ASB3: variants seen among roughly 807,000 people sequenced by gnomAD.
ASB3 encodes the protein ankyrin repeat and SOCS box protein 3.
In ASB3, 41 loss-of-function variants were observed where a neutral mutation model predicts 54.5. The ratio of observed to expected loss-of-function variants is 0.75; its 90% confidence interval spans 0.59 to 0.98. The LOEUF (loss-of-function observed/expected upper bound fraction) is 0.98. Ranked by LOEUF, ASB3 falls within the 50% of genes least tolerant of loss-of-function variation. ASB3 has a pLI of 0.00. For missense variants in ASB3, 733 were observed against 620.0 expected, an observed-to-expected ratio of 1.18 and a Z score of -1.94; for synonymous variants, 266 against 221.2, an observed-to-expected ratio of 1.20 and a Z score of -1.80.
chr2:53,767,290 T>A (rs993873533), intron 1 of ASB3: 1 of 152,262 alleles, frequency 6.6e-6, no homozygotes, highest in African/African-American at 2.4e-5. Context: ...AAGCGTAAAC[T>A]TCTATTGTAA....
intron 1 of ASB3, among the ~76,000 whole-genome samples, chr2:53,776,641 GA>G (rs1573027183): frequency 6.6e-6 from 1 of 151,996 alleles, no homozygotes; most frequent in East Asian, 1.9e-4. Context: ...AGCAACAGAA[GA>G]GCACCATCTC....
At chr2:53,759,809 C>T (rs1171159293) in intron 2 of ASB3, among the ~76,000 whole-genome samples, 1 of 152,188 alleles carries the variant, frequency 6.6e-6, no homozygotes, top group African/African-American at 2.4e-5. Context: ...GACGAAGGTC[C>T]TCTGAGTCAG....
At chr2:53,678,210 C>A (rs938261765) in intron 9 of ASB3, among the ~76,000 whole-genome samples, 1 of 151,990 alleles carries the variant, frequency 6.6e-6, no homozygotes, top group Non-Finnish European at 1.5e-5. Flanking sequence ...GTACACAACA[C>A]AGTATTTTTA....
At chr2:53,739,529 A>G (rs919523037) in intron 3 of ASB3, among the ~76,000 whole-genome samples, 3 of 152,240 alleles carry the variant, frequency 2.0e-5, no homozygotes, top group Admixed American at 2.0e-4. Flanking sequence ...GCTCTTTTAG[A>G]AAAATGCTTA....
At chr2:53,713,484 T>C (rs756949576) in intron 7 of ASB3, among the ~76,000 whole-genome samples, 157 of 152,230 alleles carry the variant, frequency 1.0e-3, no homozygotes, top group Non-Finnish European at 2.0e-3. Context: ...AAGAGTGTTA[T>C]AGACAAAGTT....
intron 5 of ASB3, among the ~76,000 whole-genome samples, chr2:53,718,801 GC>G (rs994787066): frequency 6.6e-6 from 1 of 151,664 alleles, no homozygotes; most frequent in Non-Finnish European, 1.5e-5. Context: ...CCATCCATCT[GC>G]TGCCTTCAAG....
chr2:53,764,874 AT>A (rs1673349232), intron 2 of ASB3, among the ~76,000 whole-genome samples: 1 of 152,214 alleles, frequency 6.6e-6, no homozygotes, highest in Non-Finnish European at 1.5e-5. Flanking sequence ...ATCTTGTTTA[AT>A]TATTTAGATA....
intron 7 of ASB3, among the ~76,000 whole-genome samples, chr2:53,704,869 C>T (rs35487539): frequency 0.23 from 35,582 of 152,094 alleles, 4,348 homozygotes; most frequent in East Asian, 0.44. Context: ...TCTATCTGAT[C>T]ACTTATGAAA....
At chr2:53,720,399 T>C (rs116206150) in intron 5 of ASB3, among the ~76,000 whole-genome samples, 2 of 152,234 alleles carry the variant, frequency 1.3e-5, no homozygotes, top group Non-Finnish European at 2.9e-5. Flanking sequence ...GACTGAGATC[T>C]CTCTCAGATA....
chr2:53,760,500 T>C (rs1466316955), intron 2 of ASB3, among the ~76,000 whole-genome samples: 1 of 152,012 alleles, frequency 6.6e-6, no homozygotes, highest in African/African-American at 2.4e-5. Flanking sequence ...TATGGGGTAA[T>C]CCCCTCCAGG....
In ASB3 at chr2:53,765,385, A is replaced by G. The variant is rs770781151; in HGVS notation, c.188T>C (p.Ile63Thr). Residue 63 changes from isoleucine to threonine, a missense_variant, in exon 2 of 10, where the codon ATT (isoleucine) becomes ACT (threonine). Coordinates refer to ENST00000263634, the MANE Select transcript of ASB3 (RefSeq NM_016115.5). Reference sequence around the variant, plus strand: ...CCTTGAATTTACTTTACCTGCATTAATTAACATTTGCAAACATTCTACAGA... The same window carrying G: ...CCTTGAATTTACTTTACCTGCATTAGTTAACATTTGCAAACATTCTACAGA... ...HNSVECLQML[I>T]NADSSENYIK... 2.5e-6 allele frequency: 4 copies of G among 1,614,196 alleles called. No individual in the cohort carries two copies. The highest frequency in any genetic ancestry group is 8.5e-7 in the Non-Finnish European group (1 of 1,180,016).
chr2:53,706,909 G>C (rs1669805737), intron 7 of ASB3, among the ~76,000 whole-genome samples: 1 of 152,192 alleles, frequency 6.6e-6, no homozygotes. Flanking sequence ...CAAGTGTTGA[G>C]CTAACAAAAC....
intron 7 of ASB3, among the ~76,000 whole-genome samples, chr2:53,701,180 G>A (rs1039469882): frequency 1.3e-5 from 2 of 151,856 alleles, no homozygotes; most frequent in African/African-American, 4.8e-5. Context: ...TCACTATGTT[G>A]CCCAGGCTGG....
chr2:53,731,740 C>T (rs2103918861), intron 3 of ASB3, among the ~76,000 whole-genome samples: 1 of 152,092 alleles, frequency 6.6e-6, no homozygotes, highest in South Asian at 2.1e-4. Context: ...ACAACCTCTG[C>T]CTCCCAGGTT....
intron 2 of ASB3, among the ~76,000 whole-genome samples, chr2:53,756,409 C>T (rs901873693): frequency 7.2e-5 from 11 of 152,170 alleles, no homozygotes; most frequent in African/African-American, 2.4e-4. Context: ...TACAATTTAG[C>T]AGTATCTATA....
At chr2:53,712,543 T>G (rs946923201) in intron 7 of ASB3, among the ~76,000 whole-genome samples, 2 of 152,346 alleles carry the variant, frequency 1.3e-5, no homozygotes, top group Middle Eastern at 3.4e-3. Context: ...ACAGAAGGCA[T>G]GAAACATACT....
intron 3 of ASB3, among the ~76,000 whole-genome samples, chr2:53,732,386 G>C (rs1360240965): frequency 6.6e-6 from 1 of 151,970 alleles, no homozygotes; most frequent in Non-Finnish European, 1.5e-5. Context: ...GGTCATAAAA[G>C]GAAAAAAATC....
chr2:53,707,149 G>C (rs998559018), intron 7 of ASB3, among the ~76,000 whole-genome samples: 3 of 152,198 alleles, frequency 2.0e-5, no homozygotes, highest in African/African-American at 7.2e-5. Context: ...AGGGTAGCTA[G>C]CCACACATGA....
At chr2:53,780,794 T>C (rs1228136875) in intron 1 of ASB3, among the ~76,000 whole-genome samples, 2 of 151,952 alleles carry the variant, frequency 1.3e-5, no homozygotes, top group African/African-American at 4.8e-5. Context: ...TAATAACAAA[T>C]AAATAAAATA....
Sources: allele counts gnomAD v4.1 joint callset (sites outside exome capture counted in the v4.1 genomes callset), GRCh38; gene constraint gnomAD v4.1.1; transcripts MANE v1.5; gene names NCBI Gene and HGNC (gene_info 2026-07-23, HGNC 2026-07-21).